PKP1: variants seen among roughly 807,000 people sequenced by gnomAD.
PKP1 encodes plakophilin-1.
PKP1 carries 27 observed loss-of-function variants against 76.4 expected under a neutral mutation model. That is an observed-to-expected ratio of 0.35 (90% CI 0.26 to 0.49). The LOEUF (loss-of-function observed/expected upper bound fraction) is 0.49. Among genes scored for constraint, PKP1 ranks in the 20% least tolerant of loss-of-function variants. The pLI is 0.99. For synonymous variants in PKP1, 404 were observed against 384.2 expected (o/e 1.05, Z -0.60); for missense variants, 964 against 955.2 (o/e 1.01, Z -0.12).
intron 2 of PKP1, among the ~76,000 whole-genome samples, chr1:201,301,800 G>A (rs943437352): frequency 6.6e-5 from 10 of 150,936 alleles, no homozygotes; most frequent in East Asian, 1.9e-4. Flanking sequence ...AAGTCCTTAC[G>A]CTATAGTTGA....
intron 3 of PKP1, among the ~76,000 whole-genome samples, chr1:201,315,372 A>G (rs550971319): frequency 4.5e-4 from 68 of 152,376 alleles, no homozygotes; most frequent in African/African-American, 1.6e-3. Flanking sequence ...AGCTAAAACC[A>G]TGGGTATTTA....
chr1:201,291,408 G>A (rs115231827), intron 1 of PKP1, among the ~76,000 whole-genome samples: 1 of 152,224 alleles, frequency 6.6e-6, no homozygotes, highest in Non-Finnish European at 1.5e-5. Context: ...CCATGTGTCT[G>A]TGTGTCCACT....
In PKP1 at chr1:201,330,599, G is replaced by C. The variant is rs1657288041; in HGVS notation, c.*558G>C. The C allele has an allele frequency of 1.3e-5, 2 of 152,246 alleles. No individual in the cohort carries two copies. The highest frequency in any genetic ancestry group is 4.8e-5 in the African/African-American group (2 of 41,448). 9.4% of individuals were successfully genotyped at this position (152,246 alleles called of 1,614,324 possible). On this transcript the variant is annotated 3_prime_UTR_variant, in exon 14 of 14. Transcript: ENST00000367324. Reference sequence around the variant, plus strand: ...TCAGGCCCTCAGAGGAGTCCTGCAGGCTTCCTACCAGTGGTCTCCAGGGGT... The same window carrying C: ...TCAGGCCCTCAGAGGAGTCCTGCAGCCTTCCTACCAGTGGTCTCCAGGGGT...
At chr1:201,316,193 T>C (rs1422648646) in intron 3 of PKP1, 3 of 126,884 alleles carry the variant, frequency 2.4e-5, no homozygotes, top group Non-Finnish European at 5.2e-5. Context: ...GCCATTGTCT[T>C]CCATTTTCCT....
At chr1:201,314,773 G>T (rs1174529685) in intron 3 of PKP1, among the ~76,000 whole-genome samples, 1 of 152,208 alleles carries the variant, frequency 6.6e-6, no homozygotes, top group East Asian at 1.9e-4. Flanking sequence ...TACATGCCAG[G>T]CTCTTTGACA....
At position 201,322,067 on chromosome 1, in the gene PKP1, C is replaced by T. The variant is rs776031745; in HGVS notation, c.1437C>T (p.Asn479=). The T allele has an allele frequency of 1.9e-5, 30 of 1,613,448 alleles. No individual in the cohort carries two copies. Among genetic ancestry groups the T allele is most frequent in the African/African-American group, 5.3e-5 (4 of 74,894 alleles). The change falls in exon 8 of 14, where the codon AAC becomes AAT. Residue 479 remains asparagine, a synonymous_variant. Coordinates refer to ENST00000367324, the MANE Select transcript of PKP1 (RefSeq NM_001005337.3). ...CCCGCTACCGCCAGCTGGAGTATAACGCCCGCAACGCCTACACCGAGAAGT... is the reference window on the plus strand; with the variant it reads ...CCCGCTACCGCCAGCTGGAGTATAATGCCCGCAACGCCTACACCGAGAAGT... ...VPTRYRQLEY[N]ARNAYTEKSS...
chr1:201,313,688 C>T, intron 3 of PKP1, 128 bp downstream of exon 3: 1 of 1,013,984 alleles, frequency 9.9e-7, no homozygotes, highest in Admixed American at 2.7e-5. Context: ...CTGGGGAGTT[C>T]ATTGCCCCTG....
chr1:201,329,712 C>A (rs1657259949), intron 13 of PKP1, among the ~76,000 whole-genome samples: 1 of 152,184 alleles, frequency 6.6e-6, no homozygotes, highest in African/African-American at 2.4e-5. Context: ...AGGACTGTAA[C>A]TTTGGTCTGG....
Position 201,283,853 on chromosome 1 carries a change from C to T in PKP1, c.151C>T (p.Arg51Trp), listed in dbSNP as rs181972441. 2.5e-6 allele frequency: 4 copies of T among 1,614,178 alleles called. No individual in the cohort carries two copies. The highest frequency in any genetic ancestry group is 3.3e-4 in the Middle Eastern group (2 of 6,062). Residue 51 changes from arginine (R) to tryptophan (W), a missense_variant, in exon 1 of 14, where the codon CGG (arginine) becomes TGG (tryptophan). Arg to Trp is a moderately radical substitution (Grantham distance 101, BLOSUM62 -3). Coordinates refer to ENST00000367324, the MANE Select transcript of PKP1 (RefSeq NM_001005337.3). ...GGAGCAGGTGATGATGACCGTCAAGCGGCAGAAGTCCAAGTCTTCCCAGTC... is the reference window on the plus strand; with the variant it reads ...GGAGCAGGTGATGATGACCGTCAAGTGGCAGAAGTCCAAGTCTTCCCAGTC... Reference protein sequence around the residue: ...VQEQVMMTVKRQKSKSSQSST... With the variant: ...VQEQVMMTVKWQKSKSSQSST...
rs543461764 is a variant in PKP1 at position 201,331,245 on chromosome 1, G to C, written c.*1204G>C. ...AGTGCCATATCAGGGTACCGGTACC[G>C]GCAAGCTCACATCTCAGCCAGGGGC... On this transcript the variant is annotated 3_prime_UTR_variant, in exon 14 of 14. Coordinates refer to ENST00000367324, the MANE Select transcript of PKP1 (RefSeq NM_001005337.3). 17 of 152,386 alleles carry C rather than the reference G, an allele frequency of 1.1e-4. No homozygotes were observed. In the East Asian group the frequency reaches 3.3e-3, roughly 29 times the overall value. 9.4% of individuals were successfully genotyped at this position (152,386 alleles called of 1,614,324 possible).
chr1:201,283,958 C>T (rs1655650619), intron 1 of PKP1, 54 bp downstream of exon 1: 1 of 1,517,288 alleles, frequency 6.6e-7, no homozygotes, highest in East Asian at 2.3e-5. Flanking sequence ...GCACCCTGGC[C>T]CAGTGGCGGG....
chr1:201,329,675 C>T (rs1283143658), intron 13 of PKP1, among the ~76,000 whole-genome samples: 1 of 152,190 alleles, frequency 6.6e-6, no homozygotes, highest in Non-Finnish European at 1.5e-5. Context: ...TGCCAGCACC[C>T]CCCACCCCAA....
In PKP1 at chr1:201,316,382, G is replaced by C. The variant is rs952774512; in HGVS notation, c.702-171G>C. ...GGGTGTAGCCTTCCCTCCTCTGGAG[G>C]AGAGGAGCTGTTCCCAGGGGTATTC... On this transcript the variant is annotated intron_variant, in intron 3 of 13. Transcript: ENST00000367324. 12 of 644,146 alleles carry C rather than the reference G, an allele frequency of 1.9e-5. No homozygotes were observed. In the Admixed American group the frequency reaches 3.4e-4, roughly 18 times the overall value. The allele number at this position is 644,146 out of a possible 1,614,324, so 39.9% of individuals were successfully genotyped here.
At chr1:201,320,534 G>A (rs972328917) in intron 7 of PKP1, among the ~76,000 whole-genome samples, 153 bp downstream of exon 7, 2 of 152,214 alleles carry the variant, frequency 1.3e-5, no homozygotes, top group African/African-American at 2.4e-5. Flanking sequence ...GTGGCTACAG[G>A]AGTGGGCTCT....
intron 1 of PKP1, among the ~76,000 whole-genome samples, chr1:201,293,033 A>T (rs1328875059): frequency 6.6e-6 from 1 of 152,192 alleles, no homozygotes; most frequent in Non-Finnish European, 1.5e-5. Context: ...TCAAAAGATG[A>T]GCAAGATTAG....
intron 1 of PKP1, 65 bp downstream of exon 1, chr1:201,283,969 G>A (rs1655650828): frequency 1.4e-6 from 2 of 1,432,744 alleles, no homozygotes; most frequent in Non-Finnish European, 2.0e-6. Flanking sequence ...CAGTGGCGGG[G>A]ACCAAGAGAC....
At chr1:201,324,035 T>C (rs761676699) in intron 9 of PKP1, among the ~76,000 whole-genome samples, 1 of 152,150 alleles carries the variant, frequency 6.6e-6, no homozygotes, top group African/African-American at 2.4e-5. Flanking sequence ...AGATGTTTAA[T>C]TGACAAATAC....
At chr1:201,325,199 G>C in intron 11 of PKP1, 72 bp downstream of exon 11, 1 of 1,469,326 alleles carries the variant, frequency 6.8e-7, no homozygotes, top group Non-Finnish European at 9.5e-7. Flanking sequence ...GCAGGAAGCA[G>C]TCCCGCAGCT....
intron 2 of PKP1, among the ~76,000 whole-genome samples, chr1:201,301,918 T>C (rs1299929715): frequency 6.6e-6 from 1 of 152,206 alleles, no homozygotes; most frequent in Non-Finnish European, 1.5e-5. Context: ...TCATCTGTCA[T>C]TGAAGGCGTG....
Sources: allele counts gnomAD v4.1 joint callset (sites outside exome capture counted in the v4.1 genomes callset), GRCh38; gene constraint gnomAD v4.1.1; transcripts MANE v1.5; gene names NCBI Gene and HGNC (gene_info 2026-07-23, HGNC 2026-07-21).